The following ACTR3B variants were observed in gnomAD, a reference collection of about 807,000 sequenced individuals.
ACTR3B encodes actin related protein 3B, also known as actin-related protein 3B.
In ACTR3B, 8 loss-of-function variants were observed where a neutral mutation model predicts 59.0. The observed-to-expected ratio is 0.14, with a 90% CI of 0.08 to 0.24. ACTR3B has a LOEUF of 0.24. Ranked by LOEUF, ACTR3B falls within the 10% of genes least tolerant of loss-of-function variation. The pLI is 1.00. For missense variants in ACTR3B, 245 were observed against 552.3 expected (o/e 0.44, Z 5.58); for synonymous variants, 148 against 197.9 (o/e 0.75, Z 2.12).
chr7:152,799,581 T>A lies in ACTR3B; in HGVS notation c.101-950T>A, dbSNP rs112035096. 5.5e-4 allele frequency among the ~76,000 whole-genome samples: 84 copies of A among 152,322 alleles called. 2 individuals are homozygous for A. The South Asian group carries it at 0.015, about 27-fold the overall frequency. ...ACAGTTAAAGATGGGGGTTATCTGA[T>A]GTCAAGGAATCTATAGTTTGGTAGA... On this transcript the variant is annotated intron_variant, in intron 2 of 11. Transcript: ENST00000256001.
At position 152,818,547 on chromosome 7, in the gene ACTR3B, T is replaced by G. The variant is rs183260267; in HGVS notation, c.541-1752T>G. 6.2e-4 allele frequency among the ~76,000 whole-genome samples: 95 copies of G among 152,252 alleles called. 1 individual carries two copies. In the East Asian group the frequency reaches 0.018, roughly 29 times the overall value. On this transcript the variant is annotated intron_variant, in intron 6 of 11. Coordinates refer to ENST00000256001, the MANE Select transcript of ACTR3B (RefSeq NM_020445.6). ...CACACTGCAACCTCTGCCTCCCAGG[T>G]TCAAGCGATTCTCCTGCCTCGGCCT...
Position 152,852,022 on chromosome 7 carries a change from C to G in ACTR3B, c.952-104C>G, listed in dbSNP as rs6944646. ...CGCATCTTTCATAGGGCCGATGTGT[C>G]GTGCCCACAAGCGATTGGACCTGTG... On this transcript the variant is annotated intron_variant, in intron 9 of 11. Coordinates refer to ENST00000256001, the MANE Select transcript of ACTR3B (RefSeq NM_020445.6). 4.1e-6 allele frequency: 6 copies of G among 1,480,454 alleles called. No homozygotes were observed. The African/African-American group carries it at 7.0e-5, about 17-fold the overall frequency. The allele number at this position is 1,480,454 out of a possible 1,614,324, so 91.7% of individuals were successfully genotyped here.
At chr7:152,766,046 T>G (rs2098109069) in intron 1 of ACTR3B, among the ~76,000 whole-genome samples, 1 of 152,174 alleles carries the variant, frequency 6.6e-6, no homozygotes, top group Non-Finnish European at 1.5e-5. Flanking sequence ...GGTCTTTTGC[T>G]TCTTCATTTT....
At chr7:152,804,457 CAGTG>C (rs2098246168) in intron 4 of ACTR3B, among the ~76,000 whole-genome samples, 1 of 152,002 alleles carries the variant, frequency 6.6e-6, no homozygotes. Context: ...GCAGTGTAGA[CAGTG>C]AGAGCCACGT....
intron 1 of ACTR3B, among the ~76,000 whole-genome samples, chr7:152,763,227 A>C (rs1295478517): frequency 9.4e-5 from 14 of 149,660 alleles, no homozygotes; most frequent in African/African-American, 3.4e-4. Flanking sequence ...GCTCAGGAGA[A>C]TCACTTGAAT....
At chr7:152,806,417 G>GT (rs1047330601) in intron 4 of ACTR3B, among the ~76,000 whole-genome samples, 1 of 152,218 alleles carries the variant, frequency 6.6e-6, no homozygotes, top group Non-Finnish European at 1.5e-5. Flanking sequence ...ACGGTGAAGT[G>GT]TTTTTGGCAG....
Position 152,852,137 on chromosome 7 carries a change from C to T in ACTR3B, c.963C>T (p.Leu321=). 2 of 1,614,102 alleles carry T rather than the reference C, an allele frequency of 1.2e-6. No homozygotes were observed. The highest frequency in any genetic ancestry group is 1.7e-6 in the Non-Finnish European group (2 of 1,180,016). Residue 321 remains leucine, a synonymous_variant, in exon 10 of 12, where the codon CTC becomes CTT. Transcript: ENST00000256001. ...VRRPLYKNVV[L]SGGSTMFRDF... ...TTTGTGTCTTGTAGAATGTCGTACTCTCAGGAGGCTCCACCATGTTCAGGG... is the reference window on the plus strand; with the variant it reads ...TTTGTGTCTTGTAGAATGTCGTACTTTCAGGAGGCTCCACCATGTTCAGGG...
At chr7:152,774,832 G>A (rs1372013681) in intron 1 of ACTR3B, among the ~76,000 whole-genome samples, 3 of 152,170 alleles carry the variant, frequency 2.0e-5, no homozygotes, top group East Asian at 3.8e-4. Flanking sequence ...AATTGGTCAT[G>A]TAATTTACAT....
At chr7:152,796,540 A>C (rs1245355881) in intron 2 of ACTR3B, among the ~76,000 whole-genome samples, 1 of 144,308 alleles carries the variant, frequency 6.9e-6, no homozygotes, top group East Asian at 2.0e-4. Context: ...TGCATTTTGG[A>C]GGAGAGAGCA....
intron 9 of ACTR3B, among the ~76,000 whole-genome samples, chr7:152,831,832 G>T (rs1797056332): frequency 1.3e-5 from 2 of 152,160 alleles, no homozygotes; most frequent in African/African-American, 4.8e-5. Context: ...GATTACACAG[G>T]GCTTATGGGG....
chr7:152,773,957 TCCA>T (rs1368742770), intron 1 of ACTR3B, among the ~76,000 whole-genome samples: 3 of 152,146 alleles, frequency 2.0e-5, no homozygotes, highest in Admixed American at 6.5e-5. Context: ...ACCAACGAGT[TCCA>T]GAGCCTTTAA....
chr7:152,774,541 A>C (rs548702920), intron 1 of ACTR3B, among the ~76,000 whole-genome samples: 2 of 152,092 alleles, frequency 1.3e-5, no homozygotes, highest in African/African-American at 4.8e-5. Flanking sequence ...TGTTTAGTCC[A>C]TCATTTAAAC....
intron 2 of ACTR3B, among the ~76,000 whole-genome samples, chr7:152,797,278 G>T (rs2098220674): frequency 6.6e-6 from 1 of 151,918 alleles, no homozygotes; most frequent in African/African-American, 2.4e-5. Context: ...ATGGGGTCTT[G>T]CTATGTTGCC....
At chr7:152,764,159 C>T (rs1433751573) in intron 1 of ACTR3B, among the ~76,000 whole-genome samples, 1 of 151,596 alleles carries the variant, frequency 6.6e-6, no homozygotes, top group Admixed American at 6.6e-5. Context: ...GTGTACACCA[C>T]CACGCATGGC....
chr7:152,828,451 G>T (rs370128026), intron 9 of ACTR3B, among the ~76,000 whole-genome samples: 3,233 of 152,192 alleles, frequency 0.021, 76 homozygotes, highest in African/African-American at 0.069. Context: ...CCTGCTCGGT[G>T]CACTCCCTGC....
chr7:152,763,676 G>T (rs1271857090), intron 1 of ACTR3B, among the ~76,000 whole-genome samples: 1 of 152,084 alleles, frequency 6.6e-6, no homozygotes, highest in Non-Finnish European at 1.5e-5. Flanking sequence ...CACCCGCCTT[G>T]GCCTCCCAAA....
intron 4 of ACTR3B, among the ~76,000 whole-genome samples, chr7:152,805,983 G>C (rs1041581570): frequency 2.6e-5 from 4 of 152,116 alleles, no homozygotes; most frequent in Non-Finnish European, 5.9e-5. Flanking sequence ...TCAATACCAG[G>C]TGATAATTTT....
intron 6 of ACTR3B, 52 bp downstream of exon 6, chr7:152,816,640 A>T: frequency 6.8e-7 from 1 of 1,479,348 alleles, no homozygotes; most frequent in Non-Finnish European, 9.0e-7. Context: ...ACCTGATTCG[A>T]GGTAAGGATG....
intron 4 of ACTR3B, among the ~76,000 whole-genome samples, chr7:152,809,979 TA>T (rs2098264796): frequency 2.0e-5 from 3 of 152,224 alleles, no homozygotes; most frequent in Non-Finnish European, 4.4e-5. Flanking sequence ...TAGCCATTTT[TA>T]ACTGTACAAT....
Sources: gnomAD v4.1 joint callset for allele counts (sites outside exome capture counted in the v4.1 genomes callset) on GRCh38, gnomAD v4.1.1 for gene constraint, MANE v1.5 for transcripts, NCBI Gene and HGNC (gene_info 2026-07-23, HGNC 2026-07-21) for gene names.